PTPRR: variants seen among roughly 807,000 people sequenced by gnomAD.
PTPRR encodes receptor-type tyrosine-protein phosphatase R.
PTPRR carries 38 observed loss-of-function variants against 77.2 expected under a neutral mutation model. The observed-to-expected ratio is 0.49, with a 90% CI of 0.38 to 0.65. The LOEUF is 0.65. Among genes scored for constraint, PTPRR ranks in the 30% least tolerant of loss-of-function variants. The pLI is 0.00. For missense variants in PTPRR, 744 were observed against 799.2 expected, an observed-to-expected ratio of 0.93 and a Z score of 0.83; for synonymous variants, 299 against 283.1, an observed-to-expected ratio of 1.06 and a Z score of -0.57.
intron 6 of PTPRR, among the ~76,000 whole-genome samples, chr12:70,714,254 GTTAAT>G (rs1298135562): frequency 6.6e-6 from 1 of 151,958 alleles, no homozygotes; most frequent in African/African-American, 2.4e-5. Context: ...TTATTAAAAT[GTTAAT>G]TTAATTATAA....
At chr12:70,721,505 G>A (rs375451375) in intron 6 of PTPRR, among the ~76,000 whole-genome samples, 64 of 152,264 alleles carry the variant, frequency 4.2e-4, no homozygotes, top group South Asian at 6.2e-4. Context: ...GGACTATTGT[G>A]GGGGAGGAAT....
chr12:70,838,258 C>T (rs1892338286), intron 2 of PTPRR, among the ~76,000 whole-genome samples: 1 of 152,132 alleles, frequency 6.6e-6, no homozygotes, highest in East Asian at 1.9e-4. Context: ...CACCTCACTA[C>T]ATTAGGATAG....
chr12:70,772,416 G>C (rs1890998482), intron 2 of PTPRR, among the ~76,000 whole-genome samples: 2 of 152,078 alleles, frequency 1.3e-5, no homozygotes, highest in Admixed American at 1.3e-4. Flanking sequence ...AGTCTCAAAA[G>C]GAAATACCAT....
chr12:70,863,117 G>A (rs541961281), intron 2 of PTPRR, among the ~76,000 whole-genome samples: 55 of 152,156 alleles, frequency 3.6e-4, no homozygotes, highest in African/African-American at 1.3e-3. Flanking sequence ...CTTATAATAC[G>A]TAATAACTTA....
chr12:70,857,612 A>G (rs1163702860), intron 2 of PTPRR, among the ~76,000 whole-genome samples: 1 of 152,160 alleles, frequency 6.6e-6, no homozygotes, highest in African/African-American at 2.4e-5. Context: ...TGATGGTAGA[A>G]CAAGAAAATG....
chr12:70,813,677 G>A lies in PTPRR; in HGVS notation c.358-48899C>T, dbSNP rs542195579. 1.6e-4 allele frequency among the ~76,000 whole-genome samples: 24 copies of A among 152,266 alleles called. No individual in the cohort carries two copies. In the South Asian group the frequency reaches 4.6e-3, roughly 29 times the overall value. ...TGATCCTTGAGAGGAGGAAATAGTGGGATGAGCGTCACCAGCACCTCAGCT... is the reference window on the plus strand; with the variant it reads ...TGATCCTTGAGAGGAGGAAATAGTGAGATGAGCGTCACCAGCACCTCAGCT... On this transcript the variant is annotated intron_variant, in intron 2 of 13. Coordinates refer to ENST00000283228, the MANE Select transcript of PTPRR (RefSeq NM_002849.4).
At position 70,684,261 on chromosome 12, in the gene PTPRR, A is replaced by G. The variant is rs769246048; in HGVS notation, c.1363T>C (p.Tyr455His). ...ATGAAGGCTTTCTCCTTGCCACTGT[A>G]GCCCTAGATGGAGTAAAGAAACAAA... ...TYINANYIRG[Y>H]SGKEKAFIAT... The change falls in exon 10 of 14, where the codon TAC becomes CAC. Residue 455 changes from tyrosine (Y) to histidine (H), a missense_variant. Coordinates refer to ENST00000283228, the MANE Select transcript of PTPRR (RefSeq NM_002849.4). 3.7e-6 allele frequency: 6 copies of G among 1,609,216 alleles called. No individual in the cohort carries two copies. In the Admixed American group the frequency reaches 8.5e-5, roughly 23 times the overall value.
At chr12:70,745,071 T>A (rs1213801001) in intron 6 of PTPRR, among the ~76,000 whole-genome samples, 2 of 151,616 alleles carry the variant, frequency 1.3e-5, no homozygotes, top group Non-Finnish European at 2.9e-5. Flanking sequence ...TGTCATGGAT[T>A]TTTTTTTTCT....
chr12:70,892,954 G>A lies in PTPRR; in HGVS notation c.82C>T (p.His28Tyr). The A allele has an allele frequency of 6.2e-7, 1 of 1,612,756 alleles. No individual in the cohort carries two copies. The highest frequency in any genetic ancestry group is 8.5e-7 in the Non-Finnish European group (1 of 1,179,168). ...TTCTTCTGATTAATTGCCAAAAAAT[G>A]ATCATTGTTTCCTGAAAAGCACCCT... is the stretch of plus-strand genomic sequence containing the variant. ...AAGCFSGNND[H>Y]FLAINQKKSG... The change falls in exon 2 of 14, where the codon CAT becomes TAT. Residue 28 changes from histidine (H) to tyrosine (Y), a missense_variant. His to Tyr is a moderately conservative substitution (Grantham distance 83). Coordinates refer to ENST00000283228, the MANE Select transcript of PTPRR (RefSeq NM_002849.4).
chr12:70,910,718 A>G (rs1323700513), intron 1 of PTPRR, among the ~76,000 whole-genome samples: 2 of 152,198 alleles, frequency 1.3e-5, no homozygotes, highest in Admixed American at 1.3e-4. Flanking sequence ...GCCTGATGGG[A>G]AATCCTGATG....
At chr12:70,894,661 A>T (rs1893395266) in intron 1 of PTPRR, among the ~76,000 whole-genome samples, 1 of 151,770 alleles carries the variant, frequency 6.6e-6, no homozygotes, top group Admixed American at 6.6e-5. Flanking sequence ...CATCTAAAAC[A>T]TTTTGGCACC....
intron 2 of PTPRR, among the ~76,000 whole-genome samples, chr12:70,772,703 A>G (rs574829084): frequency 1.3e-5 from 2 of 152,244 alleles, no homozygotes; most frequent in African/African-American, 4.8e-5. Context: ...GTGAAAAATT[A>G]AGATCCAGAA....
chr12:70,796,658 C>G (rs571316906), intron 2 of PTPRR, among the ~76,000 whole-genome samples: 1 of 151,790 alleles, frequency 6.6e-6, no homozygotes. Flanking sequence ...ATAAAGTAAA[C>G]CATGAAAAGG....
intron 1 of PTPRR, among the ~76,000 whole-genome samples, chr12:70,903,152 G>C (rs1463428097): frequency 6.6e-6 from 1 of 151,720 alleles, no homozygotes; most frequent in African/African-American, 2.4e-5. Context: ...TAAAGTTTAA[G>C]ATAGGCAGGA....
chr12:70,911,606 A>G (rs1301779532), intron 1 of PTPRR, among the ~76,000 whole-genome samples: 1 of 152,158 alleles, frequency 6.6e-6, no homozygotes, highest in Non-Finnish European at 1.5e-5. Context: ...TCATGTTTAG[A>G]TGAAACTTTT....
intron 2 of PTPRR, among the ~76,000 whole-genome samples, chr12:70,860,282 A>G (rs1202139308): frequency 6.6e-6 from 1 of 152,176 alleles, no homozygotes; most frequent in African/African-American, 2.4e-5. Flanking sequence ...CAACACAATG[A>G]CAAGCACATA....
At chr12:70,650,941 C>A (rs1411708763) in intron 13 of PTPRR, among the ~76,000 whole-genome samples, 1 of 152,158 alleles carries the variant, frequency 6.6e-6, no homozygotes, top group African/African-American at 2.4e-5. Flanking sequence ...TGAGAAGGAC[C>A]CTGAACTTGG....
At position 70,639,010 on chromosome 12, in the gene PTPRR, T is replaced by C. The variant is rs1188813265; in HGVS notation, c.*174A>G. 1.3e-5 allele frequency: 8 copies of C among 628,306 alleles called. No individual in the cohort carries two copies. The highest frequency in any genetic ancestry group is 5.5e-5 in the Admixed American group (2 of 36,270). The allele number at this position is 628,306 out of a possible 1,614,324, so 38.9% of individuals were successfully genotyped here. ...GGGGATGCTTACAAATGCATTCATA[T>C]ACACAAGGAGCTGGAAATCTTAAAT... On this transcript the variant is annotated 3_prime_UTR_variant, in exon 14 of 14. Coordinates refer to ENST00000283228, the MANE Select transcript of PTPRR (RefSeq NM_002849.4).
At chr12:70,754,541 C>G in intron 4 of PTPRR, 3 of 1,592,616 alleles carry the variant, frequency 1.9e-6, no homozygotes, top group Non-Finnish European at 2.5e-6. Flanking sequence ...ATCTGCAGGT[C>G]CCAGGCTTTC....
Sources: allele counts gnomAD v4.1 joint callset (sites outside exome capture counted in the v4.1 genomes callset), GRCh38; gene constraint gnomAD v4.1.1; transcripts MANE v1.5; gene names NCBI Gene and HGNC (gene_info 2026-07-23, HGNC 2026-07-21).